Variants in TPTE2 observed in about 807,000 individuals in gnomAD.
The protein encoded by TPTE2 is transmembrane phosphoinositide 3-phosphatase and tensin homolog 2.
TPTE2 carries 53 observed loss-of-function variants against 78.6 expected under a neutral mutation model. That is an observed-to-expected ratio of 0.67 (90% CI 0.54 to 0.85). The LOEUF is 0.85. Among genes scored for constraint, TPTE2 ranks in the 40% least tolerant of loss-of-function variants. The pLI, the probability that TPTE2 is intolerant of heterozygous loss-of-function variation, is 0.00. For synonymous variants in TPTE2, 175 were observed against 206.2 expected, an observed-to-expected ratio of 0.85 and a Z score of 1.30; for missense variants, 461 against 623.0, an observed-to-expected ratio of 0.74 and a Z score of 2.77.
intron 4 of TPTE2, among the ~76,000 whole-genome samples, chr13:19,481,985 C>G (rs991608522): frequency 1.3e-5 from 2 of 151,876 alleles, no homozygotes; most frequent in African/African-American, 4.8e-5. Context: ...TGATAAAATG[C>G]CTTCAGGTCA....
chr13:19,499,215 C>G (rs1199357926), intron 1 of TPTE2, among the ~76,000 whole-genome samples: 1 of 152,108 alleles, frequency 6.6e-6, no homozygotes, highest in Non-Finnish European at 1.5e-5. Context: ...CTTTAACACC[C>G]CACTGTCAAC....
rs535245731 is a variant in TPTE2 at position 19,496,974 on chromosome 13, T to C, written c.12-3473A>G. On this transcript the variant is annotated intron_variant, in intron 1 of 19. Coordinates refer to ENST00000400230, the Ensembl canonical transcript of TPTE2. The stretch of plus-strand genomic sequence containing the variant: ...GCGCGAGCCGAAGCAGGGCGAGGCA[T>C]TGCCTCACTTGGGAAGTGCAAGGGG... 7.9e-5 allele frequency among the ~76,000 whole-genome samples: 12 copies of C among 152,322 alleles called. No homozygotes were observed. In the South Asian group the frequency reaches 2.1e-3, roughly 26 times the overall value.
chr13:19,457,874 A>T (rs1878640712), intron 10 of TPTE2, among the ~76,000 whole-genome samples: 1 of 152,216 alleles, frequency 6.6e-6, no homozygotes, highest in African/African-American at 2.4e-5. Flanking sequence ...AATTCTAATT[A>T]CATTGGCATA....
intron 1 of TPTE2, among the ~76,000 whole-genome samples, chr13:19,513,167 G>A (rs2137699495): frequency 6.6e-6 from 1 of 152,240 alleles, no homozygotes; most frequent in African/African-American, 2.4e-5. Context: ...AATTATATTT[G>A]AACACATGAA....
At chr13:19,497,163 T>G (rs1368794573) in intron 1 of TPTE2, among the ~76,000 whole-genome samples, 1 of 151,704 alleles carries the variant, frequency 6.6e-6, no homozygotes, top group South Asian at 2.1e-4. Flanking sequence ...CCACGGAGTC[T>G]CGCTGATTGC....
At chr13:19,433,035 T>C (rs976990881) in intron 15 of TPTE2, among the ~76,000 whole-genome samples, 2 of 152,214 alleles carry the variant, frequency 1.3e-5, no homozygotes, top group Admixed American at 6.5e-5. Context: ...CACTCTTCTC[T>C]TGTTCCTGAC....
chr13:19,423,034 T>C (rs769302744), exon 20 of TPTE2: 2 of 1,610,056 alleles, frequency 1.2e-6, no homozygotes, highest in African/African-American at 2.7e-5. Context: ...CTATACTTAG[T>C]CGGATCCAGC....
rs936520368 is a variant in TPTE2 at position 19,486,394 on chromosome 13, G to A, written c.120-3847C>T. Among the ~76,000 whole-genome samples the A allele has an allele frequency of 8.5e-5, 13 of 152,158 alleles. No homozygotes were observed. Among genetic ancestry groups the A allele is most frequent in the East Asian group, 3.9e-4 (2 of 5,188 alleles). The stretch of plus-strand genomic sequence containing the variant: ...GGGCTGTTTCTCAGGGTAGGGGTGT[G>A]TGCAGGCATACACTGGGTCAGAAAA... On this transcript the variant is annotated intron_variant, in intron 3 of 19. Coordinates refer to ENST00000400230, the Ensembl canonical transcript of TPTE2. The surrounding 1 kb of genome is among the most constrained non-coding windows in gnomAD (Gnocchi z 4.3).
Position 19,436,309 on chromosome 13 carries a change from A to G in TPTE2, c.1036-3T>C. On this transcript the variant is annotated splice_polypyrimidine_tract_variant and splice_region_variant and intron_variant, in intron 14 of 19. Transcript: ENST00000400230. ...TCTCCAAAATAATATAGGCTTTCCT[A>G]CAAAAAAGGGTACAATCCAACCATG... 6.2e-7 allele frequency: 1 copy of G among 1,612,312 alleles called. No homozygotes were observed.
intron 13 of TPTE2, among the ~76,000 whole-genome samples, chr13:19,442,979 A>T (rs1184332952): frequency 1.3e-5 from 2 of 152,176 alleles, no homozygotes; most frequent in East Asian, 3.8e-4. Context: ...AAGGAAAAAA[A>T]TCAGCATGCA....
Position 19,454,091 on chromosome 13 carries a change from C to T in TPTE2, c.742-2866G>A, listed in dbSNP as rs1878383322. ...GTGGCCAAACTTGTTGATGCTTCCACCGTAGTGCTTGTTTCTCCACTAACT... is the reference window on the plus strand; with the variant it reads ...GTGGCCAAACTTGTTGATGCTTCCATCGTAGTGCTTGTTTCTCCACTAACT... On this transcript the variant is annotated intron_variant, in intron 10 of 19. Transcript: ENST00000400230. Among the ~76,000 whole-genome samples the T allele has an allele frequency of 1.3e-5, 2 of 152,188 alleles. 1 individual carries two copies. Among genetic ancestry groups the T allele is most frequent in the Admixed American group, 1.3e-4 (2 of 15,272 alleles).
chr13:19,525,517 C>A (rs903294871), intron 1 of TPTE2, among the ~76,000 whole-genome samples: 3 of 152,140 alleles, frequency 2.0e-5, no homozygotes, highest in Non-Finnish European at 4.4e-5. Flanking sequence ...AAACTGGACC[C>A]CTTCCTTTCA....
chr13:19,560,535 T>C, the TPTE2 span: 1 of 1,589,940 alleles, frequency 6.3e-7, no homozygotes, highest in Non-Finnish European at 8.6e-7. Flanking sequence ...GCGACAGCGA[T>C]GAGAAGCCTG....
At chr13:19,430,360 T>C (rs1876471267) in intron 17 of TPTE2, 108 bp downstream of exon 20, 1 of 816,854 alleles carries the variant, frequency 1.2e-6, no homozygotes. Flanking sequence ...GAAAGCGTTA[T>C]GGAATCTCTT....
intron 6 of TPTE2, among the ~76,000 whole-genome samples, chr13:19,469,678 T>C (rs1372866598): frequency 6.6e-6 from 1 of 152,208 alleles, no homozygotes; most frequent in Non-Finnish European, 1.5e-5. Context: ...TTCCATTTCT[T>C]GGTGTCCTCT....
intron 3 of TPTE2, among the ~76,000 whole-genome samples, chr13:19,492,554 A>G (rs540811823): frequency 2.0e-5 from 3 of 152,286 alleles, no homozygotes; most frequent in South Asian, 2.1e-4. Context: ...ACCTCCTTAT[A>G]CAACTCCTTC....
intron 4 of TPTE2, among the ~76,000 whole-genome samples, chr13:19,481,002 T>C (rs921917412): frequency 2.6e-5 from 4 of 152,300 alleles, no homozygotes. Context: ...TACACAACTG[T>C]TGCAAATAAT....
chr13:19,448,330 T>C (rs1415997860), intron 13 of TPTE2, among the ~76,000 whole-genome samples: 1 of 152,204 alleles, frequency 6.6e-6, no homozygotes, highest in Non-Finnish European at 1.5e-5. Flanking sequence ...CAAATGATAC[T>C]GTATCAAACT....
intron 3 of TPTE2, among the ~76,000 whole-genome samples, chr13:19,483,895 A>G (rs1181068476): frequency 1.3e-5 from 2 of 151,896 alleles, no homozygotes; most frequent in Non-Finnish European, 2.9e-5. Context: ...CGTCATTTAC[A>G]TTAGGTATAT....
Sources: allele counts gnomAD v4.1 joint callset (sites outside exome capture counted in the v4.1 genomes callset), GRCh38; gene constraint gnomAD v4.1.1; non-coding constraint Gnocchi (gnomAD v3.1); transcripts MANE v1.5; gene names NCBI Gene and HGNC (gene_info 2026-07-23, HGNC 2026-07-21).